Variants in PAX9 observed in about 807,000 individuals in gnomAD.
PAX9 encodes paired box 9, also known as paired box protein Pax-9.
In PAX9, 6 loss-of-function variants were observed where a neutral mutation model predicts 29.1. That is an observed-to-expected ratio of 0.21 (90% CI 0.11 to 0.41). PAX9 has a LOEUF of 0.41. Ranked by LOEUF, PAX9 falls within the 10% of genes least tolerant of loss-of-function variation. The pLI, the probability that PAX9 is intolerant of heterozygous loss-of-function variation, is 1.00. For missense variants in PAX9, 443 were observed against 479.1 expected (o/e 0.92, Z 0.70); for synonymous variants, 217 against 211.7 (o/e 1.03, Z -0.22).
upstream of PAX9, chr14:36,657,663 C>A (rs1881075658): frequency 7.8e-6 from 1 of 128,000 alleles, no homozygotes; most frequent in South Asian, 2.6e-4. Flanking sequence ...GTGTCGCTGT[C>A]GGACCGCAGA....
chr14:36,662,368 T>C lies in PAX9; in HGVS notation c.4+275T>C, dbSNP rs148493688. On this transcript the variant is annotated intron_variant, in intron 1 of 3. Transcript: ENST00000361487. ...GCATCAGCGAGCCCCTCAGCCCGAG[T>C]AGCAAACCAAGTTTTGTTTCACACG... Among the ~76,000 whole-genome samples, 194 of 152,020 alleles carry C rather than the reference T, an allele frequency of 1.3e-3. 1 individual carries two copies. The highest frequency in any genetic ancestry group is 4.2e-3 in the African/African-American group (174 of 41,456).
At chr14:36,675,599 T>C (rs1881855545) in intron 3 of PAX9, among the ~76,000 whole-genome samples, 1 of 152,196 alleles carries the variant, frequency 6.6e-6, no homozygotes. Flanking sequence ...CATTTAAAAA[T>C]CCTTACAAGA....
At position 36,663,300 on chromosome 14, in the gene PAX9, G is replaced by A; in HGVS notation, c.408G>A (p.Gln136=). ...GCAACAAGATCGGCAACTTGGCCCA[G>A]CAGGGTCATTACGACTCATACAAGC... ...ILRNKIGNLA[Q]QGHYDSYKQH... The change falls in exon 2 of 4, where the codon CAG becomes CAA. Residue 136 remains glutamine, a synonymous_variant. Transcript: ENST00000361487. 1 of 1,614,162 alleles carries A rather than the reference G, an allele frequency of 6.2e-7. No homozygotes were observed. The highest frequency in any genetic ancestry group is 8.5e-7 in the Non-Finnish European group (1 of 1,180,036).
chr14:36,674,774 A>G (rs562369219), intron 3 of PAX9, among the ~76,000 whole-genome samples: 1 of 152,236 alleles, frequency 6.6e-6, no homozygotes, highest in Non-Finnish European at 1.5e-5. Context: ...ACCAACATTG[A>G]AAAACACAAC....
intron 3 of PAX9, among the ~76,000 whole-genome samples, chr14:36,673,946 G>C (rs1881789364): frequency 2.6e-5 from 4 of 152,140 alleles, no homozygotes; most frequent in Non-Finnish European, 5.9e-5. Flanking sequence ...GTCAATGCTG[G>C]AAATGAAAAT....
At position 36,677,370 on chromosome 14, in the gene PAX9, A is replaced by C. The variant is rs1881943616; in HGVS notation, c.*918A>C. The C allele has an allele frequency of 6.6e-6, 1 of 152,214 alleles. No individual in the cohort carries two copies. The highest frequency in any genetic ancestry group is 1.5e-5 in the Non-Finnish European group (1 of 68,058). The allele number at this position is 152,214 out of a possible 1,614,324, so 9.4% of individuals were successfully genotyped here. A position where few individuals can be genotyped will look rare whatever the true frequency, so the allele number is the denominator to read the frequency against. On this transcript the variant is annotated 3_prime_UTR_variant, in exon 4 of 4. Coordinates refer to ENST00000361487, the MANE Select transcript of PAX9 (RefSeq NM_001372076.1). The stretch of plus-strand genomic sequence containing the variant: ...AGAGGACACGAAAAACAGATAAAAC[A>C]AGCCAGTCTCCCATTTTGTACCTAA...
chr14:36,676,360 C>T lies in PAX9; in HGVS notation c.934C>T (p.Pro312Ser). 6.2e-7 allele frequency: 1 copy of T among 1,614,114 alleles called. No homozygotes were observed. Among genetic ancestry groups the T allele is most frequent in the Non-Finnish European group, 8.5e-7 (1 of 1,180,008 alleles). ...WQHAGGTSLSPHNCDIPASLA... is the reference protein window; with the variant it reads ...WQHAGGTSLSSHNCDIPASLA... ...ACATGCTGGGGGCACCTCATTGTCTCCCCACAACTGTGACATTCCGGCATC... is the reference window on the plus strand; with the variant it reads ...ACATGCTGGGGGCACCTCATTGTCTTCCCACAACTGTGACATTCCGGCATC... Residue 312 changes from proline to serine, a missense_variant, in exon 4 of 4, where the codon CCC becomes TCC. Around this residue, in one of 2 missense-constraint regions of PAX9, gnomAD observed 336 missense variants for 317.2 expected, o/e 1.06. Coordinates refer to ENST00000361487, the MANE Select transcript of PAX9 (RefSeq NM_001372076.1).
Position 36,676,531 on chromosome 14 carries a change from C to G in PAX9, c.*79C>G. On this transcript the variant is annotated 3_prime_UTR_variant, in exon 4 of 4. Coordinates refer to ENST00000361487, the MANE Select transcript of PAX9 (RefSeq NM_001372076.1). Reference sequence around the variant, plus strand: ...CTCCCCCAATTCCCAGGTCTCACATCCCACCCCTCCTGCCCTCCAACCCTT... The same window carrying G: ...CTCCCCCAATTCCCAGGTCTCACATGCCACCCCTCCTGCCCTCCAACCCTT... 6.6e-7 allele frequency: 1 copy of G among 1,520,322 alleles called. No individual in the cohort carries two copies. Among genetic ancestry groups the G allele is most frequent in the Non-Finnish European group, 9.0e-7 (1 of 1,114,876 alleles). 94.2% of individuals were successfully genotyped at this position (1,520,322 alleles called of 1,614,324 possible). A position where few individuals can be genotyped will look rare whatever the true frequency, so the allele number is the denominator to read the frequency against.
At position 36,662,944 on chromosome 14, in the gene PAX9, G is replaced by A; in HGVS notation, c.52G>A (p.Gly18Arg). Reference sequence around the variant, plus strand: ...CCAGCTGGGAGGAGTGTTCGTGAACGGGAGGCCGCTGCCCAACGCCATCCG... The same window carrying A: ...CCAGCTGGGAGGAGTGTTCGTGAACAGGAGGCCGCTGCCCAACGCCATCCG... ...VNQLGGVFVNGRPLPNAIRLR... is the reference protein window; with the variant it reads ...VNQLGGVFVNRRPLPNAIRLR... Residue 18 changes from glycine to arginine, a missense_variant, in exon 2 of 4, where the codon GGG (glycine) becomes AGG (arginine). Physicochemically the swap from Gly to Arg is moderately radical, Grantham distance 125 (BLOSUM62 -2). Transcript: ENST00000361487. The A allele has an allele frequency of 6.2e-7, 1 of 1,613,138 alleles. No individual in the cohort carries two copies. The highest frequency in any genetic ancestry group is 8.5e-7 in the Non-Finnish European group (1 of 1,179,742).
At chr14:36,665,970 A>T (rs1881471717) in intron 2 of PAX9, 1 of 161,810 alleles carries the variant, frequency 6.2e-6, no homozygotes, top group African/African-American at 2.4e-5. Flanking sequence ...TAAGTACCAG[A>T]TCCCCACAGT....
At chr14:36,662,148 G>A (rs1881298499) in intron 1 of PAX9, 55 bp downstream of exon 1, 4 of 1,393,752 alleles carry the variant, frequency 2.9e-6, no homozygotes, top group Admixed American at 2.5e-5. Context: ...GGGAGCGAGC[G>A]GGCAAGGGAG....
In PAX9 at chr14:36,676,340, C is replaced by A. The variant is rs1881887396; in HGVS notation, c.914C>A (p.Ala305Asp). The part of the protein sequence containing the change: ...GYVAGHGWQH[A>D]GGTSLSPHNC... ...GTTGCTGGACATGGGTGGCAACATG[C>A]TGGGGGCACCTCATTGTCTCCCCAC... is the stretch of plus-strand genomic sequence containing the variant. Residue 305 changes from alanine to aspartate, a missense_variant, in exon 4 of 4, where the codon GCT becomes GAT. Transcript: ENST00000361487. 1.2e-6 allele frequency: 2 copies of A among 1,614,008 alleles called. No homozygotes were observed. Among genetic ancestry groups the A allele is most frequent in the Non-Finnish European group, 1.7e-6 (2 of 1,180,022 alleles).
At chr14:36,666,958 G>A (rs1295863063) in intron 3 of PAX9, among the ~76,000 whole-genome samples, 1 of 152,150 alleles carries the variant, frequency 6.6e-6, no homozygotes, top group African/African-American at 2.4e-5. Flanking sequence ...TGGGGGTAGA[G>A]TTAACCAAAG....
At chr14:36,666,673 G>C (rs1297434399) in intron 3 of PAX9, 72 bp downstream of exon 3, 128 of 1,526,592 alleles carry the variant, frequency 8.4e-5, no homozygotes, top group Non-Finnish European at 9.2e-5. Context: ...ACTTTGTGAT[G>C]GGTCCCTTTC....
intron 3 of PAX9, among the ~76,000 whole-genome samples, chr14:36,675,844 C>T (rs952404778): frequency 6.6e-6 from 1 of 152,172 alleles, no homozygotes; most frequent in Non-Finnish European, 1.5e-5. Flanking sequence ...TTGACAAAGG[C>T]AATGAGGACA....
At chr14:36,662,702 G>T in intron 1 of PAX9, 195 bp from the exon 2 acceptor site, 1 of 650,000 alleles carries the variant, frequency 1.5e-6, no homozygotes. Context: ...GAATGAGGGA[G>T]GGGGTCCGAT....
chr14:36,666,345 A>G, intron 2 of PAX9, 117 bp from the exon 3 acceptor site: 1 of 1,383,332 alleles, frequency 7.2e-7, no homozygotes, highest in African/African-American at 1.4e-5. Flanking sequence ...GGCCAAGGGC[A>G]GGGAGCCGAC....
At position 36,664,133 on chromosome 14, in the gene PAX9, C is replaced by T. The variant is rs145187659; in HGVS notation, c.631+610C>T. Among the ~76,000 whole-genome samples, 93 of 152,354 alleles carry T rather than the reference C, an allele frequency of 6.1e-4. 2 individuals carry two copies. The East Asian group carries it at 0.017, about 27-fold the overall frequency. On this transcript the variant is annotated intron_variant, in intron 2 of 3. Coordinates refer to ENST00000361487, the MANE Select transcript of PAX9 (RefSeq NM_001372076.1). ...GGAAATGGAGGTCCCGAAGTTACTA[C>T]TAGTAACTTGCATGTAACTCATTCC... is the stretch of plus-strand genomic sequence containing the variant.
At chr14:36,664,133 CTA>C (rs1390525937) in intron 2 of PAX9, among the ~76,000 whole-genome samples, 1 of 152,236 alleles carries the variant, frequency 6.6e-6, no homozygotes, top group Non-Finnish European at 1.5e-5. Flanking sequence ...GAAGTTACTA[CTA>C]GTAACTTGCA....
Sources: allele counts gnomAD v4.1 joint callset (sites outside exome capture counted in the v4.1 genomes callset), GRCh38; gene constraint gnomAD v4.1.1; regional missense constraint gnomAD v4.1.1; transcripts MANE v1.5; gene names NCBI Gene and HGNC (gene_info 2026-07-23, HGNC 2026-07-21).